Variants in DLGAP2 observed in about 807,000 individuals in gnomAD.
The protein encoded by DLGAP2 is disks large-associated protein 2.
A neutral mutation model predicts 100.3 loss-of-function variants in DLGAP2; 26 were observed. The ratio of observed to expected loss-of-function variants is 0.26; its 90% CI spans 0.19 to 0.36. The LOEUF is 0.36. Ranked by LOEUF, DLGAP2 falls within the 10% of genes least tolerant of loss-of-function variation. The pLI is 1.00. For synonymous variants in DLGAP2, 886 were observed against 630.1 expected, an observed-to-expected ratio of 1.41 and a Z score of -6.08; for missense variants, 1,858 against 1,453.2, an observed-to-expected ratio of 1.28 and a Z score of -4.53.
intron 1 of DLGAP2, among the ~76,000 whole-genome samples, chr8:832,957 C>T (rs112661005): frequency 0.019 from 2,938 of 152,268 alleles, 60 homozygotes; most frequent in Non-Finnish European, 0.024. Flanking sequence ...TCGTTTCTCT[C>T]ACAACTCTGG....
intron 2 of DLGAP2, among the ~76,000 whole-genome samples, chr8:1,009,108 C>T (rs1168115638): frequency 1.3e-5 from 2 of 152,188 alleles, no homozygotes; most frequent in Non-Finnish European, 2.9e-5. Flanking sequence ...GCCTGGGGAC[C>T]CTCTTCCATG....
chr8:1,580,581 G>C (rs536600118), intron 6 of DLGAP2, among the ~76,000 whole-genome samples: 1 of 152,272 alleles, frequency 6.6e-6, no homozygotes, highest in African/African-American at 2.4e-5. Flanking sequence ...CTAATGCCAG[G>C]GAGTTTCTAA....
chr8:1,290,112 C>T (rs532821732), intron 3 of DLGAP2, among the ~76,000 whole-genome samples: 1 of 152,198 alleles, frequency 6.6e-6, no homozygotes, highest in East Asian at 1.9e-4. Context: ...GCTGCAGGTG[C>T]TGAGGAGAGA....
intron 2 of DLGAP2, among the ~76,000 whole-genome samples, chr8:956,755 G>T (rs1446754140): frequency 3.9e-5 from 6 of 152,184 alleles, no homozygotes; most frequent in Admixed American, 2.6e-4. Flanking sequence ...CTGTCCTGAG[G>T]TCTAACCATG....
intron 8 of DLGAP2, among the ~76,000 whole-genome samples, chr8:1,639,238 C>T (rs529228010): frequency 8.5e-5 from 13 of 152,250 alleles, no homozygotes; most frequent in African/African-American, 2.6e-4. Context: ...CCAGAGCCCA[C>T]AGCGTCAGCA....
At chr8:1,607,952 G>C (rs9720584) in intron 6 of DLGAP2, among the ~76,000 whole-genome samples, 15 of 143,756 alleles carry the variant, frequency 1.0e-4, no homozygotes, top group South Asian at 2.4e-4. Context: ...AGGCGGCAGC[G>C]AGGCTGGGGG....
intron 1 of DLGAP2, among the ~76,000 whole-genome samples, chr8:753,019 G>T (rs779207086): frequency 1.3e-5 from 2 of 152,176 alleles, no homozygotes; most frequent in Non-Finnish European, 2.9e-5. Flanking sequence ...CTTCCTTAAG[G>T]GAACAGATTA....
At chr8:1,115,474 A>G (rs1193021574) in intron 2 of DLGAP2, among the ~76,000 whole-genome samples, 1 of 152,224 alleles carries the variant, frequency 6.6e-6, no homozygotes, top group African/African-American at 2.4e-5. Flanking sequence ...TCATCTGAAA[A>G]TTGGAGTAGT....
At chr8:1,087,741 T>A (rs75183721) in intron 2 of DLGAP2, among the ~76,000 whole-genome samples, 1 of 152,230 alleles carries the variant, frequency 6.6e-6, no homozygotes, top group Non-Finnish European at 1.5e-5. Context: ...CATTCTCACC[T>A]TGATGATTGG....
At chr8:1,259,092 T>C (rs1046420473) in intron 3 of DLGAP2, among the ~76,000 whole-genome samples, 4 of 152,236 alleles carry the variant, frequency 2.6e-5, no homozygotes, top group African/African-American at 9.6e-5. Context: ...TGAAGAAGAA[T>C]TGGCTTTACC....
chr8:1,412,308 G>A (rs1473706162), intron 3 of DLGAP2, among the ~76,000 whole-genome samples: 1 of 152,164 alleles, frequency 6.6e-6, no homozygotes, highest in Admixed American at 6.5e-5. Context: ...CTAGCCTTCT[G>A]AGGCTCCATT....
intron 12 of DLGAP2, among the ~76,000 whole-genome samples, chr8:1,679,869 A>G (rs182994575): frequency 1.8e-3 from 264 of 150,824 alleles, no homozygotes; most frequent in African/African-American, 6.1e-3. Context: ...AATCCTAGCT[A>G]TTTGGGAGGC....
intron 1 of DLGAP2, among the ~76,000 whole-genome samples, chr8:888,360 C>T (rs1797962816): frequency 6.6e-6 from 1 of 152,144 alleles, no homozygotes; most frequent in African/African-American, 2.4e-5. Flanking sequence ...TTTTGTTACC[C>T]ATCTTCTGAA....
chr8:1,428,057 G>T (rs541353254), intron 3 of DLGAP2, among the ~76,000 whole-genome samples: 6 of 151,912 alleles, frequency 3.9e-5, no homozygotes, highest in African/African-American at 1.4e-4. Flanking sequence ...AAAAATAAAT[G>T]ACTTACATAG....
chr8:1,317,276 G>A (rs1425541736), intron 3 of DLGAP2, among the ~76,000 whole-genome samples: 1 of 139,784 alleles, frequency 7.2e-6, no homozygotes, highest in Non-Finnish European at 1.5e-5. Context: ...CTCCAACAGT[G>A]GTCTACACTC....
At chr8:1,522,398 C>A (rs1042523596) in intron 4 of DLGAP2, among the ~76,000 whole-genome samples, 1 of 152,182 alleles carries the variant, frequency 6.6e-6, no homozygotes, top group Non-Finnish European at 1.5e-5. Flanking sequence ...GGGCCCAGGG[C>A]ATCACACCCA....
chr8:747,483 G>A (rs377761586), intron 1 of DLGAP2, among the ~76,000 whole-genome samples: 2 of 148,408 alleles, frequency 1.3e-5, no homozygotes, highest in Non-Finnish European at 3.0e-5. Context: ...GACAGGCCAC[G>A]TTCCAGCCGA....
chr8:779,781 A>C (rs1040325822), intron 1 of DLGAP2, among the ~76,000 whole-genome samples: 1 of 152,060 alleles, frequency 6.6e-6, no homozygotes, highest in Non-Finnish European at 1.5e-5. Flanking sequence ...TCTCTGTGTC[A>C]TTTGCAGAGT....
intron 3 of DLGAP2, among the ~76,000 whole-genome samples, chr8:1,289,590 C>T (rs1408100753): frequency 6.6e-6 from 1 of 152,184 alleles, no homozygotes; most frequent in South Asian, 2.1e-4. Flanking sequence ...TTCAGTGCAG[C>T]CTTGGGAATA....
Sources: allele counts gnomAD v4.1 joint callset (sites outside exome capture counted in the v4.1 genomes callset), GRCh38; gene constraint gnomAD v4.1.1; transcripts MANE v1.5; gene names NCBI Gene and HGNC (gene_info 2026-07-23, HGNC 2026-07-21).